Variants in HERC4 observed in about 807,000 individuals in gnomAD.
HERC4 encodes HECT and RLD domain containing E3 ubiquitin protein ligase 4, also known as probable E3 ubiquitin-protein ligase HERC4.
HERC4 carries 28 observed loss-of-function variants against 124.3 expected under a neutral mutation model. The ratio of observed to expected loss-of-function variants is 0.23; its 90% CI spans 0.17 to 0.31. The LOEUF (loss-of-function observed/expected upper bound fraction) is 0.31, where lower values mean the gene tolerates loss of function less well. HERC4 is among the 10% of genes least tolerant of loss of function. HERC4 has a pLI of 1.00. For synonymous variants in HERC4, 407 were observed against 421.5 expected, an observed-to-expected ratio of 0.97 and a Z score of 0.42; for missense variants, 713 against 1,229.3, an observed-to-expected ratio of 0.58 and a Z score of 6.28.
At chr10:67,928,193 T>C (rs1328027671) in intron 23 of HERC4, among the ~76,000 whole-genome samples, 1 of 151,986 alleles carries the variant, frequency 6.6e-6, no homozygotes, top group East Asian at 1.9e-4. Context: ...AGAGGAACAA[T>C]GACAGGAGAT....
At chr10:67,962,558 A>T (rs1479775295) in intron 16 of HERC4, among the ~76,000 whole-genome samples, 1 of 152,142 alleles carries the variant, frequency 6.6e-6, no homozygotes, top group African/African-American at 2.4e-5. Context: ...CTTCAGAAAA[A>T]GAGAGATGAT....
intron 5 of HERC4, 21 bp downstream of exon 5, chr10:68,038,067 GAAATA>G (rs779221328): frequency 4.7e-6 from 6 of 1,275,370 alleles, no homozygotes; most frequent in East Asian, 5.1e-5. Flanking sequence ...AAACTGAAGA[GAAATA>G]AAATAAAAAC....
intron 3 of HERC4, among the ~76,000 whole-genome samples, chr10:68,052,215 A>G (rs2040351024): frequency 6.6e-6 from 1 of 152,236 alleles, no homozygotes; most frequent in South Asian, 2.1e-4. Context: ...CACTTTGTAG[A>G]TAACGACTTC....
chr10:68,010,309 T>C, intron 9 of HERC4: 3 of 953,092 alleles, frequency 3.1e-6, no homozygotes, highest in East Asian at 5.6e-5. Flanking sequence ...TAGCCTGGGG[T>C]ACCAAAATGG....
At chr10:68,036,945 T>C (rs1405823355) in intron 5 of HERC4, among the ~76,000 whole-genome samples, 1 of 152,164 alleles carries the variant, frequency 6.6e-6, no homozygotes, top group Non-Finnish European at 1.5e-5. Flanking sequence ...CTTGGATGTC[T>C]GTCTCTTTCA....
chr10:67,993,558 G>T (rs2036677906), intron 9 of HERC4: 2 of 151,004 alleles, frequency 1.3e-5, no homozygotes, highest in Non-Finnish European at 3.0e-5. Flanking sequence ...AAAAGAAACA[G>T]CAAACAAAAA....
intron 15 of HERC4, 60 bp downstream of exon 15, chr10:67,988,603 C>T: frequency 9.8e-7 from 1 of 1,015,510 alleles, no homozygotes; most frequent in Non-Finnish European, 1.4e-6. Flanking sequence ...TTAAAATGAA[C>T]AGTATCAATC....
rs1564609908 is a variant in HERC4, at chr10:68,059,843, T to TATATCATAATATTATATATC, written c.226+13039_226+13040insGATATATAATATTATGATAT. 7.6e-5 allele frequency among the ~76,000 whole-genome samples: 2 copies of TATATCATAATATTATATATC among 26,310 alleles called. 1 individual carries two copies. The highest frequency in any genetic ancestry group is 1.0e-4 in the Non-Finnish European group (2 of 19,350). 17.3% of individuals were successfully genotyped at this position (26,310 alleles called of 152,430 possible). Reference sequence around the variant, plus strand: ...TATATCATAATATTATATATTATAATATATTATATATCATAATATTATATA... The same window carrying TATATCATAATATTATATATC: ...TATATCATAATATTATATATTATAATATATCATAATATTATATATCATATTATATATCATAATATTATATA... On this transcript the variant is annotated intron_variant, in intron 3 of 24. Transcript: ENST00000373700.
At chr10:67,979,430 A>C (rs1248366453) in intron 15 of HERC4, among the ~76,000 whole-genome samples, 1 of 152,098 alleles carries the variant, frequency 6.6e-6, no homozygotes, top group Non-Finnish European at 1.5e-5. Context: ...AAAAGAATAA[A>C]AAACAATAAG....
chr10:67,953,763 C>T (rs1198237762), intron 19 of HERC4, among the ~76,000 whole-genome samples: 5 of 152,066 alleles, frequency 3.3e-5, no homozygotes. Flanking sequence ...ATGAATTGCA[C>T]TACTAAGGAA....
chr10:68,064,012 G>A (rs1409414951), intron 3 of HERC4, among the ~76,000 whole-genome samples: 1 of 151,996 alleles, frequency 6.6e-6, no homozygotes, highest in African/African-American at 2.4e-5. Flanking sequence ...GGAGGGCGAA[G>A]TGGGCAGATC....
intron 24 of HERC4, among the ~76,000 whole-genome samples, chr10:67,923,509 G>A (rs915550994): frequency 9.2e-5 from 14 of 152,042 alleles, no homozygotes; most frequent in Admixed American, 4.6e-4. Context: ...TATTTGCTTC[G>A]TTTCTGTTAT....
chr10:67,943,964 T>C (rs563217338), intron 19 of HERC4, among the ~76,000 whole-genome samples: 38 of 152,248 alleles, frequency 2.5e-4, no homozygotes, highest in South Asian at 4.1e-4. Flanking sequence ...TTAAGGTTTC[T>C]GACTCCAAGC....
At position 68,025,564 on chromosome 10, in the gene HERC4, G is replaced by C; in HGVS notation, c.890C>G (p.Thr297Ser). 1.2e-6 allele frequency: 2 copies of C among 1,613,542 alleles called. No homozygotes were observed. The highest frequency in any genetic ancestry group is 1.1e-5 in the South Asian group (1 of 91,032). The change falls in exon 8 of 25, where the codon ACT (threonine) becomes AGT (serine). Residue 297 changes from threonine to serine, a missense_variant. Coordinates refer to ENST00000373700, the MANE Select transcript of HERC4 (RefSeq NM_015601.4). ...ACCTTACCGTCCACAAGCAATCTCA[G>C]TGACAATGCTTCCCATAAGTTCAAA... The part of the protein sequence containing the change: ...KVFELMGSIV[T>S]EIACGRQHTS...
In HERC4 at chr10:68,038,157, A is replaced by G; in HGVS notation, c.399T>C (p.Ser133=). The G allele has an allele frequency of 6.6e-7, 1 of 1,518,356 alleles. No individual in the cohort carries two copies. The highest frequency in any genetic ancestry group is 8.8e-7 in the Non-Finnish European group (1 of 1,130,202). 94.1% of individuals were successfully genotyped at this position (1,518,356 alleles called of 1,614,324 possible). ...CCTGTACAATCTGGATATCTGACAAACTTTTAATATTTCTAGAAAAGAAGA... is the reference window on the plus strand; with the variant it reads ...CCTGTACAATCTGGATATCTGACAAGCTTTTAATATTTCTAGAAAAGAAGA... The part of the protein sequence containing the change: ...ECIRVPRNIK[S]LSDIQIVQVA... Residue 133 remains serine, a synonymous_variant, in exon 5 of 25, where the codon AGT becomes AGC. Coordinates refer to ENST00000373700, the MANE Select transcript of HERC4 (RefSeq NM_015601.4).
At chr10:68,074,883 A>G (rs1006260555) in intron 1 of HERC4, 1 of 152,786 alleles carries the variant, frequency 6.5e-6, no homozygotes, top group African/African-American at 2.4e-5. Flanking sequence ...GCATCCGCCC[A>G]GCCCGGCCTG....
intron 8 of HERC4, 43 bp from the exon 9 acceptor site, chr10:68,014,229 C>A: frequency 1.4e-6 from 2 of 1,443,380 alleles, no homozygotes; most frequent in Non-Finnish European, 1.8e-6. Context: ...ATGTTACCTT[C>A]CAACAATTTA....
At chr10:68,030,577 T>A (rs1397584973) in intron 7 of HERC4, among the ~76,000 whole-genome samples, 1 of 152,252 alleles carries the variant, frequency 6.6e-6, no homozygotes, top group Non-Finnish European at 1.5e-5. Flanking sequence ...TTCCACAGCA[T>A]AAATACCTCA....
In HERC4 at chr10:67,991,132, C is replaced by T. The variant is rs2036529133; in HGVS notation, c.1331+8G>A. On this transcript the variant is annotated splice_region_variant and intron_variant, in intron 12 of 24. Transcript: ENST00000373700. The stretch of plus-strand genomic sequence containing the variant: ...AAAATTTCAGCATATTAAAGAATTG[C>T]CACTTACCTAACAGCTAAAAAACTT... The T allele has an allele frequency of 6.6e-7, 1 of 1,519,794 alleles. No individual in the cohort carries two copies. 94.1% of individuals were successfully genotyped at this position (1,519,794 alleles called of 1,614,324 possible). A position where few individuals can be genotyped will look rare whatever the true frequency, so the allele number is the denominator to read the frequency against.
Sources: gnomAD v4.1 joint callset for allele counts (sites outside exome capture counted in the v4.1 genomes callset) on GRCh38, gnomAD v4.1.1 for gene constraint, MANE v1.5 for transcripts, NCBI Gene and HGNC (gene_info 2026-07-23, HGNC 2026-07-21) for gene names.